The following CMPK2 variants were observed in gnomAD, a reference collection of about 807,000 sequenced individuals.
CMPK2 encodes the protein UMP-CMP kinase 2, mitochondrial.
In CMPK2, 32 loss-of-function variants were observed where a neutral mutation model predicts 33.4. The ratio of observed to expected loss-of-function variants is 0.96; its 90% CI spans 0.72 to 1.29. The LOEUF is 1.29. Ranked by LOEUF, CMPK2 falls within the 50% of genes most tolerant of loss-of-function variation. The probability of loss-of-function intolerance (pLI) is 0.00; values close to 1 mark genes in which losing one functional copy is unlikely to be tolerated. For synonymous variants in CMPK2, 299 were observed against 275.3 expected (o/e 1.09, Z -0.85); for missense variants, 672 against 616.0 (o/e 1.09, Z -0.96).
upstream of CMPK2, chr2:6,866,355 C>G (rs1031754032): frequency 1.8e-5 from 15 of 849,558 alleles, no homozygotes; most frequent in Middle Eastern, 1.2e-3. Context: ...TCTGGCTCTT[C>G]CCTCTCCTGT....
At chr2:6,859,713 G>T (rs1187978579) in intron 3 of CMPK2, among the ~76,000 whole-genome samples, 1 of 152,216 alleles carries the variant, frequency 6.6e-6, no homozygotes, top group Non-Finnish European at 1.5e-5. Context: ...GCAGAAGTTT[G>T]CTACAGGAGT....
In CMPK2 at chr2:6,861,327, T is replaced by C; in HGVS notation, c.849A>G (p.Ser283=). 6.2e-7 allele frequency: 1 copy of C among 1,614,156 alleles called. No individual in the cohort carries two copies. The highest frequency in any genetic ancestry group is 8.5e-7 in the Non-Finnish European group (1 of 1,180,028). The change falls in exon 3 of 5, where the codon TCA becomes TCG. Residue 283 remains serine, a synonymous_variant. Transcript: ENST00000256722. The part of the protein sequence containing the change: ...ADSLKAVLLK[S]PPSCIGQWRK... ...TCCACTGGCCAATGCAAGAGGGTGG[T>C]GACTTTAAGAGGACAGCCTTAAGTG...
At chr2:6,851,403 C>T (rs762139661) in intron 4 of CMPK2, 47 bp downstream of exon 4, 9 of 1,612,410 alleles carry the variant, frequency 5.6e-6, no homozygotes, top group African/African-American at 5.3e-5. Context: ...GTTCATCTCC[C>T]TTCAGGAATG....
At chr2:6,859,539 A>G (rs1031536851) in intron 3 of CMPK2, among the ~76,000 whole-genome samples, 1 of 152,220 alleles carries the variant, frequency 6.6e-6, no homozygotes, top group Non-Finnish European at 1.5e-5. Flanking sequence ...GCCTTGAGTA[A>G]GAGGCCAAGG....
At chr2:6,855,786 T>G (rs1311185316) in intron 3 of CMPK2, among the ~76,000 whole-genome samples, 1 of 152,180 alleles carries the variant, frequency 6.6e-6, no homozygotes, top group African/African-American at 2.4e-5. Context: ...TTTCCTTTCT[T>G]GCCCCTCCCC....
chr2:6,858,020 CA>C (rs760034615), intron 3 of CMPK2, among the ~76,000 whole-genome samples: 23 of 152,334 alleles, frequency 1.5e-4, no homozygotes, highest in Non-Finnish European at 2.1e-4. Context: ...GAATGGCCTA[CA>C]AGCCCTACAG....
intron 2 of CMPK2, among the ~76,000 whole-genome samples, chr2:6,862,344 A>G (rs1048583973): frequency 6.6e-6 from 1 of 152,134 alleles, no homozygotes; most frequent in African/African-American, 2.4e-5. Flanking sequence ...GAAGTTAATA[A>G]ATTTACCCAA....
At chr2:6,847,578 A>T (rs1662392699), downstream of CMPK2, among the ~76,000 whole-genome samples, 1 of 152,040 alleles carries the variant, frequency 6.6e-6, no homozygotes, top group East Asian at 1.9e-4. Flanking sequence ...TTTTTACATT[A>T]TGTGGGGTGA....
At chr2:6,861,035 T>G (rs1203454511) in intron 3 of CMPK2, 149 bp downstream of exon 3, 2 of 637,080 alleles carry the variant, frequency 3.1e-6, no homozygotes, top group Non-Finnish European at 5.5e-6. Flanking sequence ...TTCCTATTAT[T>G]ATCATAATAA....
chr2:6,854,928 G>A (rs1662638776), intron 3 of CMPK2, among the ~76,000 whole-genome samples: 1 of 151,998 alleles, frequency 6.6e-6, no homozygotes, highest in Non-Finnish European at 1.5e-5. Flanking sequence ...AGTGGCCAGT[G>A]CTGCTTCAGG....
At chr2:6,866,375 C>G, upstream of CMPK2, 1 of 916,094 alleles carries the variant, frequency 1.1e-6, no homozygotes, top group Non-Finnish European at 1.3e-6. Flanking sequence ...TATCTTATCT[C>G]ACCTGTGCAC....
chr2:6,861,646 A>C (rs974413494), intron 2 of CMPK2, among the ~76,000 whole-genome samples: 1 of 152,180 alleles, frequency 6.6e-6, no homozygotes, highest in Non-Finnish European at 1.5e-5. Context: ...TGTGACTTTT[A>C]TTCCCGGCAG....
intron 1 of CMPK2, 79 bp downstream of exon 1, chr2:6,864,943 G>A (rs1432506526): frequency 2.2e-6 from 3 of 1,347,782 alleles, no homozygotes; most frequent in Non-Finnish European, 2.9e-6. Context: ...CGGCTCTACA[G>A]ACCAGCCTCT....
intron 3 of CMPK2, among the ~76,000 whole-genome samples, chr2:6,853,866 C>T (rs999491294): frequency 1.3e-5 from 2 of 151,928 alleles, no homozygotes; most frequent in Admixed American, 1.3e-4. Flanking sequence ...CGCGCCACTG[C>T]ACTCCAGCCT....
At chr2:6,857,731 GT>G (rs1220279017) in intron 3 of CMPK2, among the ~76,000 whole-genome samples, 1 of 151,578 alleles carries the variant, frequency 6.6e-6, no homozygotes, top group Non-Finnish European at 1.5e-5. Context: ...ACCCCCTGGG[GT>G]TCATGCCATT....
exon 4 of CMPK2, chr2:6,840,599 A>T: frequency 1.4e-6 from 1 of 702,300 alleles, no homozygotes; most frequent in Non-Finnish European, 2.6e-6. Context: ...GAGTGTGATG[A>T]ATCCAAGATT....
In CMPK2 at chr2:6,861,281, G is replaced by C. The variant is rs779241725; in HGVS notation, c.895C>G (p.Pro299Ala). The change falls in exon 3 of 5, where the codon CCA (proline) becomes GCA (alanine). Residue 299 changes from proline (P) to alanine (A), a missense_variant. Pro to Ala is a conservative substitution (Grantham distance 27). Coordinates refer to ENST00000256722, the MANE Select transcript of CMPK2 (RefSeq NM_207315.4). The stretch of plus-strand genomic sequence containing the variant: ...TAAAAAGCTCTTCTAATGATAGTTG[G>C]TTCATCATCAAAGATCTTCCTCCAC... ...GQWRKIFDDE[P>A]TIIRRAFYSL... 10 of 1,613,756 alleles carry C rather than the reference G, an allele frequency of 6.2e-6. No individual in the cohort carries two copies. Among genetic ancestry groups the C allele is most frequent in the Non-Finnish European group, 8.5e-6 (10 of 1,179,806 alleles).
chr2:6,843,279 A>C (rs1370173343), intron 3 of CMPK2, among the ~76,000 whole-genome samples: 1 of 152,188 alleles, frequency 6.6e-6, no homozygotes, highest in Non-Finnish European at 1.5e-5. Context: ...TTGAGTTAGC[A>C]AAGTATTAGG....
chr2:6,842,727 T>C (rs1204148455), intron 3 of CMPK2, among the ~76,000 whole-genome samples: 1 of 152,194 alleles, frequency 6.6e-6, no homozygotes, highest in East Asian at 1.9e-4. Flanking sequence ...GAGTTTCTTT[T>C]ATAAGGTGAT....
Sources: gnomAD v4.1 joint callset for allele counts (sites outside exome capture counted in the v4.1 genomes callset) on GRCh38, gnomAD v4.1.1 for gene constraint, MANE v1.5 for transcripts, NCBI Gene and HGNC (gene_info 2026-07-23, HGNC 2026-07-21) for gene names.